The following MGAT4A variants were observed in gnomAD, a reference collection of about 807,000 sequenced individuals.
MGAT4A encodes the protein alpha-1,3-mannosyl-glycoprotein 4-beta-N-acetylglucosaminyltransferase A.
In MGAT4A, 33 loss-of-function variants were observed where a neutral mutation model predicts 74.1. That is an observed-to-expected ratio of 0.45 (90% CI 0.34 to 0.60). The LOEUF (loss-of-function observed/expected upper bound fraction) is 0.60. MGAT4A is among the 20% of genes least tolerant of loss of function. The pLI, the probability that MGAT4A is intolerant of heterozygous loss-of-function variation, is 0.02. For synonymous variants in MGAT4A, 198 were observed against 210.4 expected (o/e 0.94, Z 0.51); for missense variants, 479 against 628.3 (o/e 0.76, Z 2.54).
chr2:98,663,307 T>G (rs1315986971), intron 4 of MGAT4A, 128 bp from the exon 5 acceptor site: 5 of 1,529,588 alleles, frequency 3.3e-6, no homozygotes, highest in South Asian at 2.4e-5. Context: ...TATATTAAGT[T>G]TCAGGAAGAA....
At position 98,726,362 on chromosome 2, in the gene MGAT4A, T is replaced by C. The variant is rs370476731; in HGVS notation, c.-30A>G. Reference sequence around the variant, plus strand: ...TTTCACCATCACACTGGTCCATATGTTTATGATGACAACAACCAGGACTGT... The same window carrying C: ...TTTCACCATCACACTGGTCCATATGCTTATGATGACAACAACCAGGACTGT... On this transcript the variant is annotated 5_prime_UTR_variant, in exon 2 of 16. Coordinates refer to ENST00000393487, the MANE Select transcript of MGAT4A (RefSeq NM_012214.3). The C allele has an allele frequency of 1.3e-6, 2 of 1,582,708 alleles. No individual in the cohort carries two copies. The highest frequency in any genetic ancestry group is 2.7e-5 in the African/African-American group (2 of 74,294).
chr2:98,641,197 A>C (rs1192295559), intron 10 of MGAT4A, among the ~76,000 whole-genome samples: 1 of 101,942 alleles, frequency 9.8e-6, no homozygotes, highest in East Asian at 2.3e-4. Context: ...GTTTGGGGCC[A>C]AAAAAAATCA....
intron 8 of MGAT4A, among the ~76,000 whole-genome samples, chr2:98,649,607 A>T (rs916286883): frequency 6.6e-6 from 1 of 152,140 alleles, no homozygotes; most frequent in African/African-American, 2.4e-5. Context: ...CAGAGACAGA[A>T]ACTAGGTGGA....
chr2:98,634,843 G>A (rs1309512003), intron 14 of MGAT4A, among the ~76,000 whole-genome samples: 1 of 151,656 alleles, frequency 6.6e-6, no homozygotes, highest in Non-Finnish European at 1.5e-5. Flanking sequence ...GGCTATGTCA[G>A]TGGACATCTC....
In MGAT4A at chr2:98,622,180, A is replaced by C. The variant is rs1701071422; in HGVS notation, c.*3386T>G. On this transcript the variant is annotated 3_prime_UTR_variant, in exon 16 of 16. Coordinates refer to ENST00000393487, the MANE Select transcript of MGAT4A (RefSeq NM_012214.3). ...ATCATTTGCATTATGTTCTATTCCC[A>C]TGTCTGCTTTTAACCTCATGAGAAT... is the stretch of plus-strand genomic sequence containing the variant. 8 of 985,316 alleles carry C rather than the reference A, an allele frequency of 8.1e-6. No homozygotes were observed. The highest frequency in any genetic ancestry group is 9.6e-6 in the Non-Finnish European group (8 of 829,952). 61.0% of individuals were successfully genotyped at this position (985,316 alleles called of 1,614,324 possible).
At chr2:98,673,480 G>C (rs543603435) in intron 4 of MGAT4A, among the ~76,000 whole-genome samples, 1 of 152,224 alleles carries the variant, frequency 6.6e-6, no homozygotes, top group Admixed American at 6.5e-5. Flanking sequence ...TAATGATTTA[G>C]GGAGGAAAAT....
At chr2:98,696,061 T>G (rs1310708537) in intron 2 of MGAT4A, among the ~76,000 whole-genome samples, 2 of 151,908 alleles carry the variant, frequency 1.3e-5, no homozygotes, top group African/African-American at 4.8e-5. Context: ...TTTCTATTTT[T>G]TGTAGAGATG....
chr2:98,624,026 T>C lies in MGAT4A; in HGVS notation c.*1540A>G. On this transcript the variant is annotated 3_prime_UTR_variant, in exon 16 of 16. Coordinates refer to ENST00000393487, the MANE Select transcript of MGAT4A (RefSeq NM_012214.3). ...GATGTTGATACTTCATCTTTTTTTT[T>C]TTTTGAGACGGAGTCTAGCTGTGTC... 1.0e-6 allele frequency: 1 copy of C among 985,480 alleles called. No individual in the cohort carries two copies. 61.0% of individuals were successfully genotyped at this position (985,480 alleles called of 1,614,324 possible).
chr2:98,690,959 G>A (rs1702186482), intron 2 of MGAT4A, among the ~76,000 whole-genome samples: 1 of 152,026 alleles, frequency 6.6e-6, no homozygotes, highest in African/African-American at 2.4e-5. Context: ...ATAGACTAAG[G>A]AAAAAATTAA....
chr2:98,663,676 C>A lies in MGAT4A; in HGVS notation c.404-497G>T, dbSNP rs61163796. ...AAAATAACAGTACTCTTTAAAGTGT[C>A]AAGGTCATGAAAGACAGAGTAATGA... On this transcript the variant is annotated intron_variant, in intron 4 of 15. Coordinates refer to ENST00000393487, the MANE Select transcript of MGAT4A (RefSeq NM_012214.3). 7.9e-3 allele frequency among the ~76,000 whole-genome samples: 1,202 copies of A among 152,202 alleles called. 15 individuals carry two copies. The highest frequency in any genetic ancestry group is 0.027 in the African/African-American group (1,127 of 41,522).
chr2:98,703,492 A>C (rs1702380147), intron 2 of MGAT4A, among the ~76,000 whole-genome samples: 4 of 152,166 alleles, frequency 2.6e-5, no homozygotes, highest in African/African-American at 4.8e-5. Context: ...AAAAGTAATG[A>C]CTTTCTACAA....
At position 98,625,226 on chromosome 2, in the gene MGAT4A, C is replaced by T; in HGVS notation, c.*340G>A. The T allele has an allele frequency of 1.1e-6, 1 of 895,450 alleles. No homozygotes were observed. Among genetic ancestry groups the T allele is most frequent in the South Asian group, 4.8e-5 (1 of 20,748 alleles). The allele number at this position is 895,450 out of a possible 1,614,324, so 55.5% of individuals were successfully genotyped here. ...AAATAAGTGAACCTCAAAAGTACCC[C>T]CTTCATAAAATGTATGTAACATTAG... On this transcript the variant is annotated 3_prime_UTR_variant, in exon 16 of 16. Transcript: ENST00000393487.
At chr2:98,639,666 T>C (rs1319282950) in intron 12 of MGAT4A, 142 bp downstream of exon 12, 21 of 584,982 alleles carry the variant, frequency 3.6e-5, no homozygotes, top group Non-Finnish European at 5.7e-5. Flanking sequence ...TGGAGTTGTT[T>C]TACATGTAAT....
At chr2:98,717,093 GA>G (rs1163328766) in intron 2 of MGAT4A, among the ~76,000 whole-genome samples, 1 of 151,990 alleles carries the variant, frequency 6.6e-6, no homozygotes, top group African/African-American at 2.4e-5. Context: ...AAAAGACAAA[GA>G]AAGGGCCAGG....
chr2:98,679,491 G>T (rs1164662970), intron 2 of MGAT4A, among the ~76,000 whole-genome samples: 1 of 150,880 alleles, frequency 6.6e-6, no homozygotes, highest in African/African-American at 2.4e-5. Context: ...AATTAGCTAG[G>T]CATGGTGGTG....
Position 98,620,931 on chromosome 2 carries a change from G to A in MGAT4A, c.*4635C>T, listed in dbSNP as rs1309835463. 6.6e-6 allele frequency: 1 copy of A among 152,404 alleles called. No individual in the cohort carries two copies. Among genetic ancestry groups the A allele is most frequent in the Admixed American group, 6.5e-5 (1 of 15,282 alleles). The allele number at this position is 152,404 out of a possible 1,614,324, so 9.4% of individuals were successfully genotyped here. A position where few individuals can be genotyped will look rare whatever the true frequency, so the allele number is the denominator to read the frequency against. On this transcript the variant is annotated 3_prime_UTR_variant, in exon 16 of 16. Coordinates refer to ENST00000393487, the MANE Select transcript of MGAT4A (RefSeq NM_012214.3). ...AGATGCTGCAACTTTGCCAACAAAC[G>A]TCCAATGAAGACTAATTGAGATCTC...
intron 2 of MGAT4A, among the ~76,000 whole-genome samples, chr2:98,712,802 C>T (rs1385871236): frequency 6.6e-6 from 1 of 152,150 alleles, no homozygotes; most frequent in Non-Finnish European, 1.5e-5. Context: ...TGAATACTGA[C>T]TATAATTTGC....
At chr2:98,625,639 A>C (rs1701133796) in intron 15 of MGAT4A, 47 bp from the exon 16 acceptor site, 6 of 1,575,610 alleles carry the variant, frequency 3.8e-6, no homozygotes, top group Non-Finnish European at 5.2e-6. Flanking sequence ...TTAATTCTCA[A>C]TTCCAAAAAG....
chr2:98,692,448 A>C (rs765076705), intron 2 of MGAT4A, among the ~76,000 whole-genome samples: 29 of 152,084 alleles, frequency 1.9e-4, no homozygotes, highest in Non-Finnish European at 2.8e-4. Context: ...TTATAAACTG[A>C]GTATATCCTT....
Sources: allele counts gnomAD v4.1 joint callset (sites outside exome capture counted in the v4.1 genomes callset), GRCh38; gene constraint gnomAD v4.1.1; transcripts MANE v1.5; gene names NCBI Gene and HGNC (gene_info 2026-07-23, HGNC 2026-07-21).